Variants in GLMN observed in about 807,000 individuals in gnomAD.
GLMN encodes glomulin, FKBP associated protein.
GLMN carries 75 observed loss-of-function variants against 87.8 expected under a neutral mutation model. The observed-to-expected ratio is 0.85, with a 90% CI of 0.71 to 1.04. The LOEUF is 1.04. Among genes scored for constraint, GLMN ranks in the 50% least tolerant of loss-of-function variants. GLMN has a pLI of 0.00. For missense variants in GLMN, 588 were observed against 658.8 expected, an observed-to-expected ratio of 0.89 and a Z score of 1.18; for synonymous variants, 206 against 221.6, an observed-to-expected ratio of 0.93 and a Z score of 0.63.
At chr1:92,291,581 G>C in intron 3 of GLMN, 44 bp from the exon 4 acceptor site, 1 of 1,600,626 alleles carries the variant, frequency 6.2e-7, no homozygotes, top group Admixed American at 1.7e-5. Context: ...GCCATCTATA[G>C]GACTCTCGCA....
chr1:92,307,244 C>G, the GLMN span: 1 of 1,612,490 alleles, frequency 6.2e-7, no homozygotes, highest in African/African-American at 1.3e-5. Flanking sequence ...CACAAATTCC[C>G]AAAACTCCAG....
chr1:92,310,307 A>G, the GLMN span, among the ~76,000 whole-genome samples: 1 of 152,176 alleles, frequency 6.6e-6, no homozygotes, highest in African/African-American at 2.4e-5. Flanking sequence ...TTTTTCAGAC[A>G]TCTTTTTACC....
chr1:92,302,978 C>T (rs981710984), upstream of GLMN, among the ~76,000 whole-genome samples: 4 of 152,044 alleles, frequency 2.6e-5, no homozygotes, highest in African/African-American at 9.7e-5. Context: ...GCGGTAGGAT[C>T]GCTTGAGCCC....
chr1:92,349,338 A>G, the GLMN span, among the ~76,000 whole-genome samples: 1 of 152,206 alleles, frequency 6.6e-6, no homozygotes, highest in Non-Finnish European at 1.5e-5. Flanking sequence ...CTATAATAGC[A>G]TTTGTTTAAT....
At chr1:92,284,566 G>T (rs752927419) in intron 7 of GLMN, among the ~76,000 whole-genome samples, 39 of 152,226 alleles carry the variant, frequency 2.6e-4, no homozygotes, top group Non-Finnish European at 5.3e-4. Context: ...CATGGGCAAG[G>T]ACTTCATGAT....
chr1:92,364,205 C>G, the GLMN span, among the ~76,000 whole-genome samples: 1 of 152,086 alleles, frequency 6.6e-6, no homozygotes, highest in Non-Finnish European at 1.5e-5. Flanking sequence ...CCCTTCTTCC[C>G]CATATCTCCA....
At chr1:92,344,585 A>G in the GLMN span, among the ~76,000 whole-genome samples, 3 of 152,266 alleles carry the variant, frequency 2.0e-5, no homozygotes, top group Middle Eastern at 0.01. Flanking sequence ...CATTTTTTTT[A>G]TGTATAAGTG....
chr1:92,358,084 A>G, the GLMN span, among the ~76,000 whole-genome samples: 1 of 152,172 alleles, frequency 6.6e-6, no homozygotes, highest in African/African-American at 2.4e-5. Flanking sequence ...TCTGTGTTTT[A>G]GGAAGGTTAG....
chr1:92,269,918 C>T, intron 8 of GLMN, 142 bp from the exon 9 acceptor site: 1 of 639,412 alleles, frequency 1.6e-6, no homozygotes, highest in South Asian at 1.7e-5. Context: ...AGAATTTGAC[C>T]TTATTTGGAG....
At chr1:92,286,241 T>C (rs1432628703) in intron 7 of GLMN, among the ~76,000 whole-genome samples, 1 of 150,204 alleles carries the variant, frequency 6.7e-6, no homozygotes, top group Non-Finnish European at 1.5e-5. Flanking sequence ...TATATATATA[T>C]AAAATCTTTG....
chr1:92,303,865 A>T (rs2101104233), upstream of GLMN: 1 of 584,018 alleles, frequency 1.7e-6, no homozygotes, highest in African/African-American at 1.9e-5. Flanking sequence ...ACTTATGAGG[A>T]AGGTACTATT....
chr1:92,312,153 G>A, the GLMN span, among the ~76,000 whole-genome samples: 1 of 152,172 alleles, frequency 6.6e-6, no homozygotes, highest in Non-Finnish European at 1.5e-5. Context: ...ACTTATGCCT[G>A]TAATCCCAGC....
At chr1:92,290,130 T>G in intron 5 of GLMN, 68 bp downstream of exon 5, 1 of 898,744 alleles carries the variant, frequency 1.1e-6, no homozygotes, top group Non-Finnish European at 1.9e-6. Context: ...AGTATTGACA[T>G]TTTGAGGTAA....
At chr1:92,301,484 A>G, upstream of GLMN, 1 of 1,572,540 alleles carries the variant, frequency 6.4e-7, no homozygotes, top group Non-Finnish European at 8.6e-7. Flanking sequence ...AGGAAAGCTG[A>G]ACTAGAAGCA....
At chr1:92,323,373 T>C in the GLMN span, 1 of 1,113,156 alleles carries the variant, frequency 9.0e-7, no homozygotes, top group Non-Finnish European at 1.3e-6. Flanking sequence ...TGGGGTACTT[T>C]ACTTTTCTAT....
chr1:92,263,706 T>C lies in GLMN; in HGVS notation c.1326A>G (p.Thr442=), dbSNP rs1655290716. 6.3e-7 allele frequency: 1 copy of C among 1,592,774 alleles called. No individual in the cohort carries two copies. Among genetic ancestry groups the C allele is most frequent in the African/African-American group, 1.3e-5 (1 of 74,618 alleles). Residue 442 remains threonine, a synonymous_variant, in exon 15 of 19, where the codon ACA becomes ACG. Coordinates refer to ENST00000370360, the MANE Select transcript of GLMN (RefSeq NM_053274.3). ...CAAGAAGGGAAATCAACTGTGGTCCTGTAAACCATTTGTTGTTACGTGTTC... is the reference window on the plus strand; with the variant it reads ...CAAGAAGGGAAATCAACTGTGGTCCCGTAAACCATTTGTTGTTACGTGTTC... The part of the protein sequence containing the change: ...LKRTRNNKWF[T]GPQLISLLDL...
the GLMN span, among the ~76,000 whole-genome samples, chr1:92,330,745 C>T: frequency 3.3e-5 from 5 of 152,078 alleles, no homozygotes; most frequent in African/African-American, 1.2e-4. Context: ...AACCACCACG[C>T]CTGGCCTGTG....
upstream of GLMN, among the ~76,000 whole-genome samples, chr1:92,301,300 A>G (rs1313009216): frequency 6.6e-6 from 1 of 152,244 alleles, no homozygotes; most frequent in African/African-American, 2.4e-5. Flanking sequence ...TTTGAGCAAC[A>G]TAGTGAGACC....
chr1:92,267,903 T>G lies in GLMN; in HGVS notation c.1098+10A>C, dbSNP rs1655829237. On this transcript the variant is annotated intron_variant, in intron 11 of 18. Coordinates refer to ENST00000370360, the MANE Select transcript of GLMN (RefSeq NM_053274.3). ...GCTATTTTCAATATTAGAATACATA[T>G]TTTATTTACCTGAGGTACAGTAAGA... 1.6e-6 allele frequency: 2 copies of G among 1,222,964 alleles called. No homozygotes were observed. The highest frequency in any genetic ancestry group is 1.2e-5 in the South Asian group (1 of 83,198). The allele number at this position is 1,222,964 out of a possible 1,614,324, so 75.8% of individuals were successfully genotyped here.
Sources: allele counts gnomAD v4.1 joint callset (sites outside exome capture counted in the v4.1 genomes callset), GRCh38; gene constraint gnomAD v4.1.1; transcripts MANE v1.5; gene names NCBI Gene and HGNC (gene_info 2026-07-23, HGNC 2026-07-21).